Variants in UGT1A6 observed in about 807,000 individuals in gnomAD.
UGT1A6 encodes the protein UDP glucuronosyltransferase family 1 member A6.
A neutral mutation model predicts 44.4 loss-of-function variants in UGT1A6; 32 were observed. The observed-to-expected ratio is 0.72, with a 90% CI of 0.54 to 0.97. The LOEUF is 0.97. Ranked by LOEUF, UGT1A6 falls within the 50% of genes least tolerant of loss-of-function variation. UGT1A6 has a pLI of 0.00. For synonymous variants in UGT1A6, 238 were observed against 248.5 expected (o/e 0.96, Z 0.40); for missense variants, 685 against 661.9 (o/e 1.03, Z -0.38).
intron 1 of UGT1A6, among the ~76,000 whole-genome samples, chr2:233,704,038 G>A (rs1347198541): frequency 6.6e-6 from 1 of 151,800 alleles, no homozygotes; most frequent in Non-Finnish European, 1.5e-5. Flanking sequence ...CTACAGGTGT[G>A]CACCAACATG....
rs886043066 is a variant in UGT1A6 at position 233,768,310 on chromosome 2, C to T, written c.1172C>T (p.Pro391Leu). 74 of 1,613,942 alleles carry T rather than the reference C, an allele frequency of 4.6e-5. No homozygotes were observed. Among genetic ancestry groups the T allele is most frequent in the Non-Finnish European group, 6.2e-5 (73 of 1,180,026 alleles). The change falls in exon 4 of 5, where the codon CCC becomes CTC. Residue 391 changes from proline to leucine, a missense_variant. Pro to Leu is a moderately conservative substitution (Grantham distance 98). Coordinates refer to ENST00000305139, the MANE Select transcript of UGT1A6 (RefSeq NM_001072.4). ...ICNGVPMVMM[P>L]LFGDQMDNAK... Reference sequence around the variant, plus strand: ...AATGGCGTTCCCATGGTGATGATGCCCTTGTTTGGTGATCAGATGGACAAT... The same window carrying T: ...AATGGCGTTCCCATGGTGATGATGCTCTTGTTTGGTGATCAGATGGACAAT...
chr2:233,695,421 GCCT>G (rs1300912174), intron 1 of UGT1A6, among the ~76,000 whole-genome samples: 1 of 136,992 alleles, frequency 7.3e-6, no homozygotes, highest in Non-Finnish European at 1.6e-5. Context: ...ACCGCGCCCG[GCCT>G]TCTTCTTCTT....
In UGT1A6 at chr2:233,754,812, C is replaced by A. The variant is rs570173329; in HGVS notation, c.862-12222C>A. 401 of 1,317,492 alleles carry A rather than the reference C, an allele frequency of 3.0e-4. 1 individual carries two copies. Among genetic ancestry groups the A allele is most frequent in the Non-Finnish European group, 3.4e-4 (334 of 983,548 alleles). 81.6% of individuals were successfully genotyped at this position (1,317,492 alleles called of 1,614,324 possible). On this transcript the variant is annotated intron_variant, in intron 1 of 4. Transcript: ENST00000305139. ...AAATCCTGTATCAAAAGAAGAAAAA[C>A]CACCCTCAAAAGCTGGAAATTCACT...
At chr2:233,733,135 T>C (rs2078360537) in intron 1 of UGT1A6, among the ~76,000 whole-genome samples, 1 of 152,236 alleles carries the variant, frequency 6.6e-6, no homozygotes, top group Admixed American at 6.5e-5. Flanking sequence ...ATAGGAATGC[T>C]TGTGATTTTT....
intron 1 of UGT1A6, among the ~76,000 whole-genome samples, chr2:233,707,020 A>G (rs1443215716): frequency 6.6e-6 from 1 of 152,188 alleles, no homozygotes; most frequent in African/African-American, 2.4e-5. Flanking sequence ...ATCCATGGTC[A>G]GCCAGCCCCC....
chr2:233,756,940 T>G (rs1408779384), intron 1 of UGT1A6, among the ~76,000 whole-genome samples: 1 of 152,052 alleles, frequency 6.6e-6, no homozygotes, highest in Non-Finnish European at 1.5e-5. Context: ...TTACATAACC[T>G]GAAACCCGGA....
chr2:233,767,877 CA>C lies in UGT1A6; in HGVS notation c.1023del (p.Ser342ArgfsTer23). On this transcript the variant is annotated frameshift_variant, in exon 3 of 5. Coordinates refer to ENST00000305139, the MANE Select transcript of UGT1A6 (RefSeq NM_001072.4). LOFTEE classifies it high-confidence loss of function. ...TVLWRYTGTR[P>X]SNLANNTILV... Reference sequence around the variant, plus strand: ...CTGTGGCGGTACACTGGAACCCGACCATCGAATCTTGCGAACAACACGATAC... The same window carrying C: ...CTGTGGCGGTACACTGGAACCCGACCTCGAATCTTGCGAACAACACGATAC... 6.2e-7 allele frequency: 1 copy of C among 1,614,140 alleles called. No homozygotes were observed. The highest frequency in any genetic ancestry group is 8.5e-7 in the Non-Finnish European group (1 of 1,180,040).
chr2:233,746,553 C>T lies in UGT1A6; in HGVS notation c.862-20481C>T, dbSNP rs984942036. On this transcript the variant is annotated intron_variant, in intron 1 of 4. Transcript: ENST00000305139. The stretch of plus-strand genomic sequence containing the variant: ...GCTGCCCTGCTGTGTGACTTCTTAG[C>T]CCCTAGAGCACCACACCCTGTAATT... 4.6e-5 allele frequency among the ~76,000 whole-genome samples: 7 copies of T among 151,780 alleles called. 1 individual carries two copies. The highest frequency in any genetic ancestry group is 1.7e-4 in the African/African-American group (7 of 41,054).
At chr2:233,747,854 G>A (rs28900382) in intron 1 of UGT1A6, 43 of 1,613,390 alleles carry the variant, frequency 2.7e-5, no homozygotes, top group Non-Finnish European at 3.6e-5. Flanking sequence ...TCAAGAACAT[G>A]CTCTACCCTC....
At chr2:233,755,384 G>A in intron 1 of UGT1A6, 2 of 348,148 alleles carry the variant, frequency 5.7e-6, no homozygotes, top group Non-Finnish European at 1.1e-5. Context: ...CGCCCCTTAT[G>A]ACGCAGCCAC....
Position 233,729,530 on chromosome 2 carries a change from A to G in UGT1A6, c.861+35665A>G, listed in dbSNP as rs372837189. The G allele has an allele frequency of 5.6e-6, 9 of 1,614,100 alleles. No individual in the cohort carries two copies. Among genetic ancestry groups the G allele is most frequent in the African/African-American group, 1.3e-5 (1 of 74,922 alleles). On this transcript the variant is annotated intron_variant, in intron 1 of 4. Transcript: ENST00000305139. ...TCTTGTGTGGAGCTACTACATAATGAGGCCCTGATCAGGCACCTGAATGCT... is the reference window on the plus strand; with the variant it reads ...TCTTGTGTGGAGCTACTACATAATGGGGCCCTGATCAGGCACCTGAATGCT...
chr2:233,743,673 G>A, intron 1 of UGT1A6: 1 of 1,367,190 alleles, frequency 7.3e-7, no homozygotes, highest in South Asian at 1.1e-5. Flanking sequence ...TCCTCGAAGG[G>A]CCTGCCGCCT....
At chr2:233,754,752 G>A in intron 1 of UGT1A6, 4 of 831,436 alleles carry the variant, frequency 4.8e-6, no homozygotes, top group Non-Finnish European at 7.2e-6. Context: ...GCAGAAGGAA[G>A]AAAGGCCCCC....
At chr2:233,767,718 A>G in intron 2 of UGT1A6, 131 bp from the exon 3 acceptor site, 1 of 1,541,762 alleles carries the variant, frequency 6.5e-7, no homozygotes, top group Non-Finnish European at 8.7e-7. Context: ...AAGCCTTCAC[A>G]GTTACTGATC....
chr2:233,709,294 T>C (rs1249684185), intron 1 of UGT1A6, among the ~76,000 whole-genome samples: 1 of 152,196 alleles, frequency 6.6e-6, no homozygotes, highest in Non-Finnish European at 1.5e-5. Flanking sequence ...CAATTAATGA[T>C]ATTTTCTATT....
At chr2:233,729,323 A>G in intron 1 of UGT1A6, 2 of 1,614,278 alleles carry the variant, frequency 1.2e-6, no homozygotes, top group Non-Finnish European at 1.7e-6. Context: ...CCAGAGGTGA[A>G]TATGCACATC....
At chr2:233,724,213 C>T (rs2077189704) in intron 1 of UGT1A6, among the ~76,000 whole-genome samples, 2 of 128,964 alleles carry the variant, frequency 1.6e-5, no homozygotes, top group African/African-American at 3.1e-5. Context: ...CTGAGGGGCT[C>T]CTCACTTCCC....
rs762827824 is a variant in UGT1A6 at position 233,693,652 on chromosome 2, G to C, written c.648G>C (p.Leu216Phe). 1.9e-6 allele frequency: 3 copies of C among 1,614,184 alleles called. No individual in the cohort carries two copies. Among genetic ancestry groups the C allele is most frequent in the Non-Finnish European group, 1.7e-6 (2 of 1,180,030 alleles). Residue 216 changes from leucine (L) to phenylalanine (F), a missense_variant, in exon 1 of 5, where the codon TTG becomes TTC. Physicochemically the swap from Leu to Phe is conservative, Grantham distance 22 (BLOSUM62 0). Coordinates refer to ENST00000305139, the MANE Select transcript of UGT1A6 (RefSeq NM_001072.4). Reference sequence around the variant, plus strand: ...GAGTGGCCAACTTCCTTGTTAATTTGTTGGAGCCCTATCTATTTTATTGTC... The same window carrying C: ...GAGTGGCCAACTTCCTTGTTAATTTCTTGGAGCCCTATCTATTTTATTGTC... ...SQRVANFLVN[L>F]LEPYLFYCLF... is the part of the protein sequence containing the mutation.
chr2:233,745,785 G>T (rs902358677), intron 1 of UGT1A6, among the ~76,000 whole-genome samples: 5 of 150,990 alleles, frequency 3.3e-5, no homozygotes, highest in Admixed American at 1.3e-4. Flanking sequence ...CTTAGACAGG[G>T]GGGCTGGGGT....
Sources: allele counts gnomAD v4.1 joint callset (sites outside exome capture counted in the v4.1 genomes callset), GRCh38; gene constraint gnomAD v4.1.1; transcripts MANE v1.5; gene names NCBI Gene and HGNC (gene_info 2026-07-23, HGNC 2026-07-21).